NAPB: variants seen among roughly 807,000 people sequenced by gnomAD.
NAPB encodes beta-soluble NSF attachment protein.
Under a neutral mutation model 44.7 loss-of-function variants are expected in NAPB, and 26 were observed. The observed-to-expected ratio is 0.58, with a 90% confidence interval of 0.43 to 0.81. The LOEUF (loss-of-function observed/expected upper bound fraction) is 0.81. NAPB is among the 30% of genes least tolerant of loss of function. The pLI, the probability that NAPB is intolerant of heterozygous loss-of-function variation, is 0.00. For missense variants in NAPB, 315 were observed against 356.4 expected (o/e 0.88, Z 0.94); for synonymous variants, 120 against 116.8 (o/e 1.03, Z -0.18).
chr20:23,398,854 A>ATTTTTTTTTTTTT (rs34074566), intron 2 of NAPB, among the ~76,000 whole-genome samples: 2 of 90,444 alleles, frequency 2.2e-5, no homozygotes, highest in Non-Finnish European at 2.0e-5. Flanking sequence ...CAAAAAAAAA[A>ATTTTTTTTTTTTT]TTTTTTTTTT....
In NAPB at chr20:23,390,000, T is replaced by C; in HGVS notation, c.507A>G (p.Ala169=). 2 of 1,614,186 alleles carry C rather than the reference T, an allele frequency of 1.2e-6. No individual in the cohort carries two copies. The highest frequency in any genetic ancestry group is 1.7e-6 in the Non-Finnish European group (2 of 1,180,018). The change falls in exon 7 of 11, where the codon GCA becomes GCG. Residue 169 remains alanine (A), a synonymous_variant. Transcript: ENST00000377026. The stretch of plus-strand genomic sequence containing the variant: ...ACTGCTCAAGCTGGGCAGCATATGC[T>C]GCCACCTTCAGCAGACACTTGTTTG... ...SSANKCLLKV[A]AYAAQLEQYQ...
chr20:23,393,240 G>A (rs2424532), intron 5 of NAPB, among the ~76,000 whole-genome samples: 37,798 of 151,876 alleles, frequency 0.25, 5,397 homozygotes, highest in Middle Eastern at 0.36. Context: ...TCACACACAC[G>A]TCAATGCACA....
chr20:23,376,964 CAT>C lies in NAPB; in HGVS notation c.*410_*411del, dbSNP rs1259475867. The C allele has an allele frequency of 1.3e-5, 2 of 152,922 alleles. No individual in the cohort carries two copies. Among genetic ancestry groups the C allele is most frequent in the Middle Eastern group, 6.1e-3 (2 of 326 alleles). 9.5% of individuals were successfully genotyped at this position (152,922 alleles called of 1,614,324 possible). A position where few individuals can be genotyped will look rare whatever the true frequency, so the allele number is the denominator to read the frequency against. ...TAGTAACTGTCCTAAACTAAACACA[CAT>C]TTAAAGAACATATTCAGATGCCAAA... is the stretch of plus-strand genomic sequence containing the variant. On this transcript the variant is annotated 3_prime_UTR_variant, in exon 11 of 11. Coordinates refer to ENST00000377026, the MANE Select transcript of NAPB (RefSeq NM_022080.3).
chr20:23,386,326 TAAA>T (rs1983518346), intron 7 of NAPB, among the ~76,000 whole-genome samples: 1 of 150,630 alleles, frequency 6.6e-6, no homozygotes, highest in African/African-American at 2.4e-5. Flanking sequence ...TCAGTGAAAA[TAAA>T]AACAAAAAAA....
intron 5 of NAPB, among the ~76,000 whole-genome samples, chr20:23,392,118 G>A (rs1056017629): frequency 1.2e-4 from 18 of 152,180 alleles, no homozygotes; most frequent in Non-Finnish European, 2.5e-4. Context: ...TAGGCATCAT[G>A]CTAGGCTCAG....
At chr20:23,389,697 G>A (rs545361610) in intron 7 of NAPB, among the ~76,000 whole-genome samples, 1 of 152,174 alleles carries the variant, frequency 6.6e-6, no homozygotes, top group Non-Finnish European at 1.5e-5. Flanking sequence ...CATATAGACA[G>A]AGAGTAGATT....
At chr20:23,399,019 G>A (rs755262262) in intron 2 of NAPB, among the ~76,000 whole-genome samples, 7 of 151,922 alleles carry the variant, frequency 4.6e-5, no homozygotes, top group Non-Finnish European at 8.8e-5. Context: ...AGCTTCAGCT[G>A]CATCTCTTGT....
intron 1 of NAPB, among the ~76,000 whole-genome samples, chr20:23,406,802 A>G (rs1362123472): frequency 6.6e-6 from 1 of 152,252 alleles, no homozygotes; most frequent in Non-Finnish European, 1.5e-5. Flanking sequence ...TTATAGTTCA[A>G]TCATTCTTAT....
chr20:23,418,675 C>T (rs371299816), intron 1 of NAPB, among the ~76,000 whole-genome samples: 265 of 151,726 alleles, frequency 1.7e-3, no homozygotes, highest in African/African-American at 5.8e-3. Flanking sequence ...TGCTGGCTCA[C>T]GTCTGTAATC....
At chr20:23,381,504 C>T (rs772201975) in intron 7 of NAPB, among the ~76,000 whole-genome samples, 187 bp from the exon 8 acceptor site, 1 of 152,168 alleles carries the variant, frequency 6.6e-6, no homozygotes, top group Non-Finnish European at 1.5e-5. Context: ...TACATGAAGT[C>T]TTAACCAGTT....
Position 23,394,981 on chromosome 20 carries a change from C to G in NAPB, c.361G>C (p.Ala121Pro). The G allele has an allele frequency of 1.2e-6, 2 of 1,614,190 alleles. No individual in the cohort carries two copies. The highest frequency in any genetic ancestry group is 1.7e-6 in the Non-Finnish European group (2 of 1,180,024). Residue 121 changes from alanine to proline, a missense_variant, in exon 5 of 11, where the codon GCC becomes CCC. By Grantham distance (27) the Ala-to-Pro change is conservative. Coordinates refer to ENST00000377026, the MANE Select transcript of NAPB (RefSeq NM_022080.3). Reference sequence around the variant, plus strand: ...TCTGCAATAGTAATGTGGTGCTTGGCTGCAATTGTAAACCTTCCCTAGGGG... The same window carrying G: ...TCTGCAATAGTAATGTGGTGCTTGGGTGCAATTGTAAACCTTCCCTAGGGG... ...YTDMGRFTIAAKHHITIAEIY... is the reference protein window; with the variant it reads ...YTDMGRFTIAPKHHITIAEIY...
At chr20:23,394,556 A>C (rs1263291153) in intron 5 of NAPB, among the ~76,000 whole-genome samples, 1 of 152,212 alleles carries the variant, frequency 6.6e-6, no homozygotes, top group East Asian at 1.9e-4. Context: ...GCACACAGAT[A>C]CTTAAAGCTG....
At chr20:23,390,815 C>T (rs901755233) in intron 5 of NAPB, among the ~76,000 whole-genome samples, 4 of 152,166 alleles carry the variant, frequency 2.6e-5, no homozygotes, top group African/African-American at 9.7e-5. Context: ...GCTATGAAGC[C>T]CTAATTACAC....
At chr20:23,416,568 A>G (rs1372179771) in intron 1 of NAPB, among the ~76,000 whole-genome samples, 1 of 151,978 alleles carries the variant, frequency 6.6e-6, no homozygotes, top group Non-Finnish European at 1.5e-5. Context: ...CCCATGAATA[A>G]TAATATAATT....
chr20:23,416,544 C>G (rs1986016129), intron 1 of NAPB, among the ~76,000 whole-genome samples: 1 of 151,994 alleles, frequency 6.6e-6, no homozygotes, highest in Non-Finnish European at 1.5e-5. Flanking sequence ...GAACTTGAGC[C>G]TCTACCTGGT....
chr20:23,414,021 G>A (rs1378425425), intron 1 of NAPB, among the ~76,000 whole-genome samples: 1 of 152,200 alleles, frequency 6.6e-6, no homozygotes, highest in African/African-American at 2.4e-5. Flanking sequence ...CCTAAATCAT[G>A]TATGTAAAAA....
chr20:23,403,685 A>T (rs1340767593), intron 1 of NAPB, among the ~76,000 whole-genome samples: 1 of 152,032 alleles, frequency 6.6e-6, no homozygotes, highest in Non-Finnish European at 1.5e-5. Context: ...TTCTGATTAC[A>T]TCTTTAATCA....
chr20:23,392,222 T>C (rs1984013341), intron 5 of NAPB, among the ~76,000 whole-genome samples: 1 of 152,220 alleles, frequency 6.6e-6, no homozygotes, highest in African/African-American at 2.4e-5. Flanking sequence ...TAATCTCACA[T>C]GTGTGTACAT....
chr20:23,381,249 G>T lies in NAPB; in HGVS notation c.630C>A (p.Ala210=), dbSNP rs547197437. The T allele has an allele frequency of 6.2e-7, 1 of 1,613,026 alleles. No homozygotes were observed. Among genetic ancestry groups the T allele is most frequent in the African/African-American group, 1.3e-5 (1 of 74,770 alleles). The change falls in exon 8 of 11, where the codon GCC becomes GCA. Residue 210 remains alanine (A), a synonymous_variant. Coordinates refer to ENST00000377026, the MANE Select transcript of NAPB (RefSeq NM_022080.3). The stretch of plus-strand genomic sequence containing the variant: ...ACTCGTCTACTATGAAGTGGCAGAG[G>T]GCAGCTTTGAAGAAGTAATCCTTTG... The part of the protein sequence containing the change: ...YSAKDYFFKA[A]LCHFIVDELN...
Sources: allele counts gnomAD v4.1 joint callset (sites outside exome capture counted in the v4.1 genomes callset), GRCh38; gene constraint gnomAD v4.1.1; transcripts MANE v1.5; gene names NCBI Gene and HGNC (gene_info 2026-07-23, HGNC 2026-07-21).